TSHZ2: variants seen among roughly 807,000 people sequenced by gnomAD.
The protein encoded by TSHZ2 is teashirt zinc finger homeobox 2.
Under a neutral mutation model 74.4 loss-of-function variants are expected in TSHZ2, and 21 were observed. The observed-to-expected ratio is 0.28, with a 90% CI of 0.20 to 0.41. The LOEUF is 0.41. Ranked by LOEUF, TSHZ2 falls within the 10% of genes least tolerant of loss-of-function variation. TSHZ2 has a pLI of 1.00. For synonymous variants in TSHZ2, 540 were observed against 515.3 expected, an observed-to-expected ratio of 1.05 and a Z score of -0.65; for missense variants, 1,244 against 1,293.5, an observed-to-expected ratio of 0.96 and a Z score of 0.59.
In TSHZ2 at chr20:53,170,749, A is replaced by G. The variant is rs118005662; in HGVS notation, c.41-82750A>G. On this transcript the variant is annotated intron_variant, in intron 1 of 2. Transcript: ENST00000371497. ...TAGCGGTACTAAAATAGACCTTTAT[A>G]TAATGAAAGGGCATTGGTTTGTCTT... is the stretch of plus-strand genomic sequence containing the variant. Among the ~76,000 whole-genome samples, 508 of 152,298 alleles carry G rather than the reference A, an allele frequency of 3.3e-3. 2 individuals are homozygous for G. The Middle Eastern group carries it at 0.041, about 12-fold the overall frequency.
intron 2 of TSHZ2, among the ~76,000 whole-genome samples, chr20:53,291,686 A>C (rs941250800): frequency 6.6e-6 from 1 of 151,924 alleles, no homozygotes; most frequent in Non-Finnish European, 1.5e-5. Context: ...CCACTCTTGC[A>C]CTGGCTGTGC....
intron 1 of TSHZ2, among the ~76,000 whole-genome samples, chr20:53,050,185 ATG>A: frequency 6.9e-6 from 1 of 145,922 alleles, no homozygotes; most frequent in East Asian, 2.0e-4. Flanking sequence ...ACACATATAT[ATG>A]TATATATATA....
chr20:53,274,363 A>G (rs181054765), intron 2 of TSHZ2, among the ~76,000 whole-genome samples: 66 of 152,228 alleles, frequency 4.3e-4, no homozygotes, highest in African/African-American at 1.3e-3. Context: ...TCGCCTTCCT[A>G]TTTTTCAATC....
At chr20:53,101,082 G>C (rs911164990) in intron 1 of TSHZ2, among the ~76,000 whole-genome samples, 1 of 152,106 alleles carries the variant, frequency 6.6e-6, no homozygotes, top group East Asian at 1.9e-4. Flanking sequence ...ATGGATATCT[G>C]GTTTTTTAAT....
chr20:53,084,384 C>T (rs1985627078), intron 1 of TSHZ2, among the ~76,000 whole-genome samples: 1 of 152,198 alleles, frequency 6.6e-6, no homozygotes, highest in African/African-American at 2.4e-5. Context: ...AGATTTTTCA[C>T]TGTTTGGGCA....
At chr20:53,029,775 A>G (rs1600654686) in intron 1 of TSHZ2, among the ~76,000 whole-genome samples, 1 of 152,348 alleles carries the variant, frequency 6.6e-6, no homozygotes, top group South Asian at 2.1e-4. Context: ...GCAAACGTAC[A>G]GTATGATCAC....
At chr20:53,233,104 G>GC (rs55654715) in intron 1 of TSHZ2, among the ~76,000 whole-genome samples, 15,802 of 152,228 alleles carry the variant, frequency 0.1, 959 homozygotes, top group African/African-American at 0.16. Flanking sequence ...GCTTCCAACT[G>GC]CCCCCTGGCA....
intron 1 of TSHZ2, among the ~76,000 whole-genome samples, chr20:52,996,451 A>G (rs1982198934): frequency 6.6e-6 from 1 of 152,086 alleles, no homozygotes; most frequent in Non-Finnish European, 1.5e-5. Context: ...GAGGTTGAAC[A>G]GGAGGAAAAA....
intron 2 of TSHZ2, among the ~76,000 whole-genome samples, chr20:53,374,618 T>C (rs1374204191): frequency 1.3e-5 from 2 of 152,208 alleles, no homozygotes; most frequent in Non-Finnish European, 2.9e-5. Context: ...ATGTGAATAT[T>C]CCCTTTTCTC....
At chr20:53,114,337 T>C (rs1344672831) in intron 1 of TSHZ2, among the ~76,000 whole-genome samples, 5 of 152,284 alleles carry the variant, frequency 3.3e-5, no homozygotes, top group South Asian at 4.2e-4. Context: ...TTATACCTAG[T>C]CTTGAGCCTA....
At chr20:53,006,263 G>T (rs1478867949) in intron 1 of TSHZ2, among the ~76,000 whole-genome samples, 1 of 152,146 alleles carries the variant, frequency 6.6e-6, no homozygotes, top group Non-Finnish European at 1.5e-5. Context: ...TGTCACTATT[G>T]CAAGAGTAGT....
chr20:53,157,375 C>A (rs1600716315), intron 1 of TSHZ2, among the ~76,000 whole-genome samples: 1 of 149,612 alleles, frequency 6.7e-6, no homozygotes, highest in Non-Finnish European at 1.5e-5. Flanking sequence ...TTCTGTTGAA[C>A]AAACCTGTTC....
chr20:53,110,965 T>C (rs908725346), intron 1 of TSHZ2, among the ~76,000 whole-genome samples: 2 of 152,184 alleles, frequency 1.3e-5, no homozygotes, highest in African/African-American at 4.8e-5. Flanking sequence ...ACATGTAGAA[T>C]AGAAGGGTGG....
At chr20:53,044,717 G>T (rs6013617) in intron 1 of TSHZ2, among the ~76,000 whole-genome samples, 1 of 151,384 alleles carries the variant, frequency 6.6e-6, no homozygotes, top group East Asian at 2.0e-4. Context: ...TTCTTTCTTT[G>T]TTTGTTTTTA....
chr20:53,251,774 A>G (rs1990336837), intron 1 of TSHZ2, among the ~76,000 whole-genome samples: 1 of 152,200 alleles, frequency 6.6e-6, no homozygotes. Context: ...CAGTTTTCCC[A>G]CAGTTTTCCC....
At chr20:53,199,792 G>C (rs1231571444) in intron 1 of TSHZ2, among the ~76,000 whole-genome samples, 2 of 152,174 alleles carry the variant, frequency 1.3e-5, no homozygotes, top group Non-Finnish European at 2.9e-5. Flanking sequence ...GTATATCGGG[G>C]GCAGGAAGCG....
In TSHZ2 at chr20:53,489,544, G is replaced by C. The variant is rs577064867; in HGVS notation, c.*2409G>C. 9.7e-6 allele frequency: 2 copies of C among 206,322 alleles called. No homozygotes were observed. The highest frequency in any genetic ancestry group is 1.2e-4 in the East Asian group (1 of 8,426). The allele number at this position is 206,322 out of a possible 1,614,324, so 12.8% of individuals were successfully genotyped here. ...GGATTCTCGAGCCCTTGCTCCAATGGGGGGAGGAGATCAATACAATTCCCA... is the reference window on the plus strand; with the variant it reads ...GGATTCTCGAGCCCTTGCTCCAATGCGGGGAGGAGATCAATACAATTCCCA... On this transcript the variant is annotated 3_prime_UTR_variant, in exon 3 of 3. Transcript: ENST00000371497.
chr20:53,138,838 C>T (rs1987318142), intron 1 of TSHZ2, among the ~76,000 whole-genome samples: 1 of 152,278 alleles, frequency 6.6e-6, no homozygotes, highest in South Asian at 2.1e-4. Flanking sequence ...AGGGCTGTGC[C>T]CAAGTCTCTG....
In TSHZ2 at chr20:53,255,492, T is replaced by C. The variant is rs1244373565; in HGVS notation, c.2034T>C (p.Asn678=). 1 of 1,601,920 alleles carries C rather than the reference T, an allele frequency of 6.2e-7. No individual in the cohort carries two copies. The highest frequency in any genetic ancestry group is 1.7e-5 in the Admixed American group (1 of 58,188). ...QPLEPTSALS[N]GCALANHAPA... ...TGGAGCCCACATCTGCTCTGAGCAA[T>C]GGGTGCGCCCTCGCCAACCACGCCC... Residue 678 remains asparagine, a synonymous_variant, in exon 2 of 3, where the codon AAT becomes AAC. Coordinates refer to ENST00000371497, the MANE Select transcript of TSHZ2 (RefSeq NM_173485.6). The surrounding 1 kb of genome is among the most constrained non-coding windows in gnomAD (Gnocchi z 4.1).
Sources: gnomAD v4.1 joint callset for allele counts (sites outside exome capture counted in the v4.1 genomes callset) on GRCh38, gnomAD v4.1.1 for gene constraint, Gnocchi (gnomAD v3.1) non-coding constraint, MANE v1.5 for transcripts, NCBI Gene and HGNC (gene_info 2026-07-23, HGNC 2026-07-21) for gene names.